The following CCNH variants were observed in gnomAD, a reference collection of about 807,000 sequenced individuals.
CCNH encodes the protein cyclin-H.
In CCNH, 31 loss-of-function variants were observed where a neutral mutation model predicts 41.9. The observed-to-expected ratio is 0.74, with a 90% CI of 0.56 to 1.00. The LOEUF (loss-of-function observed/expected upper bound fraction) is 1.00. Ranked by LOEUF, CCNH falls within the 50% of genes least tolerant of loss-of-function variation. The pLI, the probability that CCNH is intolerant of heterozygous loss-of-function variation, is 0.00. For synonymous variants in CCNH, 138 were observed against 136.1 expected (o/e 1.01, Z -0.10); for missense variants, 362 against 388.4 (o/e 0.93, Z 0.57).
downstream of CCNH, among the ~76,000 whole-genome samples, chr5:87,373,286 G>C (rs1454056155): frequency 6.6e-6 from 1 of 152,204 alleles, no homozygotes; most frequent in East Asian, 1.9e-4. Flanking sequence ...TAACAACTAT[G>C]TACATAGCAT....
chr5:87,368,329 G>A, intron 9 of CCNH, among the ~76,000 whole-genome samples: 1 of 151,526 alleles, frequency 6.6e-6, no homozygotes, highest in East Asian at 1.9e-4. Flanking sequence ...ACAGTTTCTG[G>A]CAAAATTCTT....
intron 9 of CCNH, among the ~76,000 whole-genome samples, chr5:87,321,044 G>T (rs141199595): frequency 1.3e-5 from 2 of 152,288 alleles, no homozygotes; most frequent in Non-Finnish European, 2.9e-5. Context: ...GGTTTAGGAA[G>T]AAAGAGCCTA....
intron 9 of CCNH, among the ~76,000 whole-genome samples, chr5:87,383,181 T>C (rs967745222): frequency 6.6e-6 from 1 of 152,172 alleles, no homozygotes; most frequent in African/African-American, 2.4e-5. Context: ...ACTTTTTCTC[T>C]AGTGCAATGG....
At chr5:87,322,348 ACTC>A (rs1438592124) in intron 9 of CCNH, among the ~76,000 whole-genome samples, 1 of 151,948 alleles carries the variant, frequency 6.6e-6, no homozygotes, top group Non-Finnish European at 1.5e-5. Flanking sequence ...CCTATTGTGA[ACTC>A]CTCACGTGAG....
downstream of CCNH, chr5:87,389,566 A>G: frequency 1.2e-6 from 2 of 1,607,666 alleles, no homozygotes; most frequent in Middle Eastern, 1.7e-4. Context: ...TGATGTTTCA[A>G]AGATAACACT....
intron 9 of CCNH, chr5:87,362,717 A>G: frequency 1.3e-6 from 2 of 1,577,252 alleles, no homozygotes; most frequent in Middle Eastern, 3.4e-4. Flanking sequence ...GAGACGTTGT[A>G]AATATGGAGC....
chr5:87,365,433 T>A (rs1760441557), intron 9 of CCNH, among the ~76,000 whole-genome samples: 2 of 152,148 alleles, frequency 1.3e-5, no homozygotes, highest in South Asian at 4.1e-4. Context: ...AATATTACTT[T>A]ATTCACAGCT....
chr5:87,359,388 C>T (rs532553367), intron 9 of CCNH, among the ~76,000 whole-genome samples: 1 of 152,242 alleles, frequency 6.6e-6, no homozygotes, highest in African/African-American at 2.4e-5. Context: ...TTTCTCCTCT[C>T]ATTGACTAGG....
intron 9 of CCNH, among the ~76,000 whole-genome samples, chr5:87,345,900 T>C (rs1190817834): frequency 2.0e-5 from 3 of 152,138 alleles, no homozygotes; most frequent in South Asian, 2.1e-4. Context: ...ATCAGCAAGA[T>C]AGATAATAGG....
intron 7 of CCNH, among the ~76,000 whole-genome samples, chr5:87,395,475 A>T (rs981522936): frequency 6.6e-6 from 1 of 152,202 alleles, no homozygotes; most frequent in Non-Finnish European, 1.5e-5. Flanking sequence ...TATTAAACAG[A>T]TCAATGATCA....
At chr5:87,335,765 C>A (rs1438443461) in intron 9 of CCNH, among the ~76,000 whole-genome samples, 1 of 152,056 alleles carries the variant, frequency 6.6e-6, no homozygotes, top group East Asian at 1.9e-4. Flanking sequence ...GTGTTAACAA[C>A]TAGAAGATAT....
chr5:87,404,703 T>G, intron 5 of CCNH, 141 bp downstream of exon 5: 1 of 656,128 alleles, frequency 1.5e-6, no homozygotes, highest in South Asian at 2.2e-5. Context: ...GTTTAAAGAT[T>G]TCCTCAAAAG....
At chr5:87,394,530 C>T (rs1252882730) in intron 8 of CCNH, 46 bp from the exon 9 acceptor site, 9 of 1,608,550 alleles carry the variant, frequency 5.6e-6, no homozygotes, top group Non-Finnish European at 7.6e-6. Flanking sequence ...GAAGCATAAC[C>T]AGTATTGTTT....
At chr5:87,365,409 ATCCAGGTAC>A (rs1042219223) in intron 9 of CCNH, among the ~76,000 whole-genome samples, 4 of 152,136 alleles carry the variant, frequency 2.6e-5, no homozygotes, top group African/African-American at 9.6e-5. Flanking sequence ...TTGTTCAATC[ATCCAGGTAC>A]TCTGAATATT....
intron 9 of CCNH, chr5:87,366,241 C>A: frequency 4.4e-6 from 1 of 224,990 alleles, no homozygotes; most frequent in African/African-American, 2.2e-5. Flanking sequence ...ACTAATGATA[C>A]TTACAACTGC....
intron 5 of CCNH, among the ~76,000 whole-genome samples, chr5:87,402,938 T>C (rs1763522005): frequency 6.6e-6 from 1 of 152,160 alleles, no homozygotes; most frequent in African/African-American, 2.4e-5. Flanking sequence ...CAATTTTGAA[T>C]TTGAACTTAT....
At chr5:87,369,743 T>C (rs1180171482) in intron 9 of CCNH, 6 of 971,172 alleles carry the variant, frequency 6.2e-6, no homozygotes, top group Non-Finnish European at 9.7e-6. Context: ...TGTGAGTGTT[T>C]TGGAAGCTGG....
intron 7 of CCNH, 64 bp downstream of exon 7, chr5:87,399,330 T>A: frequency 8.3e-7 from 1 of 1,201,566 alleles, no homozygotes; most frequent in South Asian, 1.2e-5. Context: ...AATAAAATGA[T>A]TTACGAACCA....
intron 2 of CCNH, 71 bp downstream of exon 2, chr5:87,411,153 G>A: frequency 6.9e-7 from 1 of 1,457,346 alleles, no homozygotes; most frequent in Non-Finnish European, 9.2e-7. Flanking sequence ...TGAGTGGACA[G>A]GGAATTTAGA....
Sources: gnomAD v4.1 joint callset for allele counts (sites outside exome capture counted in the v4.1 genomes callset) on GRCh38, gnomAD v4.1.1 for gene constraint, MANE v1.5 for transcripts, NCBI Gene and HGNC (gene_info 2026-07-23, HGNC 2026-07-21) for gene names.